Variants in RERE observed in about 807,000 individuals in gnomAD.
RERE encodes the protein arginine-glutamic acid dipeptide repeats, also known as arginine-glutamic acid dipeptide repeats protein.
A neutral mutation model predicts 146.1 loss-of-function variants in RERE; 40 were observed. That is an observed-to-expected ratio of 0.27 (90% CI 0.21 to 0.36). The LOEUF is 0.36. Ranked by LOEUF, RERE falls within the 10% of genes least tolerant of loss-of-function variation. RERE has a pLI of 1.00. For missense variants in RERE, 1,933 were observed against 2,138.7 expected (o/e 0.90, Z 1.90); for synonymous variants, 1,003 against 866.0 (o/e 1.16, Z -2.78).
chr1:8,457,893 G>A (rs906462856), intron 11 of RERE, among the ~76,000 whole-genome samples: 14 of 152,076 alleles, frequency 9.2e-5, no homozygotes, highest in African/African-American at 2.9e-4. Flanking sequence ...GAGCCTCTGC[G>A]CCTAGCCTAA....
intron 4 of RERE, among the ~76,000 whole-genome samples, chr1:8,580,538 T>C (rs1646350926): frequency 6.6e-6 from 1 of 152,270 alleles, no homozygotes; most frequent in African/African-American, 2.4e-5. Context: ...TGTTTTCTAA[T>C]ATGCATTGGA....
chr1:8,440,115 C>T (rs1644226395), intron 11 of RERE, among the ~76,000 whole-genome samples: 3 of 152,258 alleles, frequency 2.0e-5, no homozygotes, highest in Middle Eastern at 3.4e-3. Context: ...ATGTACCAAG[C>T]CAGTAACATT....
chr1:8,423,766 CT>C lies in RERE; in HGVS notation c.1204-960del. On this transcript the variant is annotated intron_variant, in intron 11 of 22. Transcript: ENST00000400908. This position sits in a 1 kb window ranked among gnomAD's most constrained non-coding sequence, Gnocchi z 5.4. The stretch of plus-strand genomic sequence containing the variant: ...GGGGGGCGCGGGGCTGGGGCCGCCG[CT>C]GACGGGGGAGGAGGCAGGAGCGCGG... 1 of 858,818 alleles carries C rather than the reference CT, an allele frequency of 1.2e-6. No homozygotes were observed. The highest frequency in any genetic ancestry group is 1.4e-6 in the Non-Finnish European group (1 of 717,402). The allele number at this position is 858,818 out of a possible 1,614,324, so 53.2% of individuals were successfully genotyped here.
At chr1:8,363,593 C>T (rs942430085) in intron 15 of RERE, 1 of 167,856 alleles carries the variant, frequency 6.0e-6, no homozygotes, top group Admixed American at 5.6e-5. Flanking sequence ...TGGCACATTT[C>T]CAACCTAGGA....
intron 2 of RERE, among the ~76,000 whole-genome samples, chr1:8,633,379 C>G (rs937171963): frequency 6.8e-6 from 1 of 147,408 alleles, no homozygotes; most frequent in Non-Finnish European, 1.5e-5. Context: ...GCTATAATAG[C>G]ACCACTGCGT....
chr1:8,405,524 A>G (rs527923492), intron 12 of RERE, among the ~76,000 whole-genome samples: 2 of 152,394 alleles, frequency 1.3e-5, no homozygotes, highest in East Asian at 1.9e-4. Context: ...ATTAGGTTAT[A>G]GAACTGAATG....
intron 12 of RERE, among the ~76,000 whole-genome samples, chr1:8,407,176 T>A (rs1643468804): frequency 6.6e-6 from 1 of 152,212 alleles, no homozygotes; most frequent in African/African-American, 2.4e-5. Context: ...CATAGAACCT[T>A]GAAATGATAC....
chr1:8,704,472 C>A (rs2124445357), intron 1 of RERE, among the ~76,000 whole-genome samples: 1 of 152,310 alleles, frequency 6.6e-6, no homozygotes, highest in South Asian at 2.1e-4. Flanking sequence ...TCATGGAACT[C>A]TCAAATAGCT....
At chr1:8,541,349 T>C in intron 6 of RERE, 31 bp from the exon 7 acceptor site, 4 of 1,370,344 alleles carry the variant, frequency 2.9e-6, no homozygotes, top group Non-Finnish European at 4.2e-6. Flanking sequence ...TAATTAGTAA[T>C]ACCCTCAACT....
chr1:8,780,615 T>G (rs926946799), intron 1 of RERE, among the ~76,000 whole-genome samples: 4 of 152,158 alleles, frequency 2.6e-5, no homozygotes, highest in Admixed American at 6.5e-5. Context: ...GGAGAGGAAG[T>G]GATTTCACCC....
intron 12 of RERE, among the ~76,000 whole-genome samples, chr1:8,416,811 T>C (rs564113566): frequency 1.3e-5 from 2 of 152,310 alleles, no homozygotes; most frequent in Admixed American, 1.3e-4. Context: ...TTACTGTAAA[T>C]AGCGGTGCTT....
chr1:8,577,374 G>C (rs1646309233), intron 4 of RERE, among the ~76,000 whole-genome samples: 1 of 151,982 alleles, frequency 6.6e-6, no homozygotes, highest in Non-Finnish European at 1.5e-5. Context: ...TAGCCTTCCA[G>C]TGGATAGATG....
chr1:8,792,108 G>C (rs1188238675), intron 1 of RERE, among the ~76,000 whole-genome samples: 2 of 150,850 alleles, frequency 1.3e-5, no homozygotes, highest in Non-Finnish European at 1.5e-5. Context: ...AAAAAAAAAA[G>C]AAAACAAAAC....
chr1:8,528,243 A>T (rs1004195972), intron 7 of RERE, among the ~76,000 whole-genome samples: 7 of 152,232 alleles, frequency 4.6e-5, no homozygotes. Context: ...GTCATAAAAA[A>T]TCTTTAAAAA....
chr1:8,792,004 G>A (rs1641372977), intron 1 of RERE, among the ~76,000 whole-genome samples: 1 of 152,024 alleles, frequency 6.6e-6, no homozygotes, highest in South Asian at 2.1e-4. Flanking sequence ...AAGGTGGGAG[G>A]ATCGCTTGAG....
chr1:8,738,618 G>A (rs1640246307), intron 1 of RERE, among the ~76,000 whole-genome samples: 1 of 152,096 alleles, frequency 6.6e-6, no homozygotes, highest in Non-Finnish European at 1.5e-5. Flanking sequence ...TTGCCCAGCA[G>A]ACAACAGCAC....
intron 8 of RERE, among the ~76,000 whole-genome samples, chr1:8,504,552 T>G (rs989352429): frequency 7.2e-5 from 11 of 152,048 alleles, no homozygotes; most frequent in Non-Finnish European, 1.3e-4. Context: ...AAATAATGGA[T>G]CTAAGAAATA....
intron 9 of RERE, 144 bp from the exon 10 acceptor site, chr1:8,495,306 GCTC>G (rs770629497): frequency 5.1e-5 from 27 of 525,348 alleles, no homozygotes; most frequent in Non-Finnish European, 8.1e-5. Flanking sequence ...CTCTGCCTCT[GCTC>G]CTATTTTTTT....
At chr1:8,473,297 C>CA (rs1644714068) in intron 10 of RERE, among the ~76,000 whole-genome samples, 1 of 152,194 alleles carries the variant, frequency 6.6e-6, no homozygotes, top group Non-Finnish European at 1.5e-5. Context: ...ATTCCAGCCT[C>CA]AGAGGCAGGC....
Sources: allele counts gnomAD v4.1 joint callset (sites outside exome capture counted in the v4.1 genomes callset), GRCh38; gene constraint gnomAD v4.1.1; non-coding constraint Gnocchi (gnomAD v3.1); transcripts MANE v1.5; gene names NCBI Gene and HGNC (gene_info 2026-07-23, HGNC 2026-07-21).